Variants in SLC23A2 observed in about 807,000 individuals in gnomAD.
SLC23A2 encodes the protein Na(+)/L-ascorbic acid transporter 2.
A neutral mutation model predicts 73.3 loss-of-function variants in SLC23A2; 36 were observed. That is an observed-to-expected ratio of 0.49 (90% CI 0.38 to 0.65). SLC23A2 has a LOEUF of 0.65. Among genes scored for constraint, SLC23A2 ranks in the 30% least tolerant of loss-of-function variants. SLC23A2 has a pLI of 0.00. For missense variants in SLC23A2, 507 were observed against 841.6 expected, an observed-to-expected ratio of 0.60 and a Z score of 4.92; for synonymous variants, 343 against 327.3, an observed-to-expected ratio of 1.05 and a Z score of -0.52.
intron 1 of SLC23A2, among the ~76,000 whole-genome samples, chr20:4,990,782 A>AGACCAGCCT (rs1411700187): frequency 1.3e-5 from 2 of 151,104 alleles, no homozygotes; most frequent in Non-Finnish European, 3.0e-5. Context: ...CAAGAGTTCA[A>AGACCAGCCT]GACCAGCCTG....
intron 2 of SLC23A2, among the ~76,000 whole-genome samples, chr20:4,938,334 CTTTTTTTT>C (rs752802054): frequency 1.6e-5 from 2 of 124,906 alleles, no homozygotes; most frequent in Non-Finnish European, 3.3e-5. Flanking sequence ...CTCATTCCAT[CTTTTTTTT>C]TTTTTTTTTT....
At chr20:4,871,616 C>T (rs1005694559) in intron 11 of SLC23A2, among the ~76,000 whole-genome samples, 14 of 152,070 alleles carry the variant, frequency 9.2e-5, no homozygotes, top group East Asian at 1.9e-4. Flanking sequence ...GCCTGGAGTG[C>T]GGTTAAGGGC....
chr20:4,911,740 T>C (rs1229738091), intron 4 of SLC23A2, among the ~76,000 whole-genome samples: 4 of 152,200 alleles, frequency 2.6e-5, no homozygotes, highest in Admixed American at 2.6e-4. Context: ...TTTGGAGATA[T>C]CAGATTATCT....
At chr20:4,986,764 G>A (rs981212106) in intron 1 of SLC23A2, among the ~76,000 whole-genome samples, 3 of 150,750 alleles carry the variant, frequency 2.0e-5, no homozygotes, top group Admixed American at 6.6e-5. Flanking sequence ...GCAGTTGACC[G>A]TATTCAAGAA....
intron 2 of SLC23A2, among the ~76,000 whole-genome samples, chr20:4,960,561 G>C (rs1181482920): frequency 6.6e-6 from 1 of 152,194 alleles, no homozygotes; most frequent in Non-Finnish European, 1.5e-5. Flanking sequence ...CAACATTTGG[G>C]AACATTTTCC....
At chr20:4,867,057 TAAAAAAAA>T (rs71197732) in intron 13 of SLC23A2, among the ~76,000 whole-genome samples, 2 of 76,504 alleles carry the variant, frequency 2.6e-5, no homozygotes, top group Non-Finnish European at 4.6e-5. Flanking sequence ...AAGCGATCCC[TAAAAAAAA>T]AAAAAAAAAA....
chr20:4,859,275 T>TA lies in SLC23A2; in HGVS notation c.1720+13dup, dbSNP rs2122768904. 1 of 1,474,266 alleles carries TA rather than the reference T, an allele frequency of 6.8e-7. No homozygotes were observed. The highest frequency in any genetic ancestry group is 9.5e-7 in the Non-Finnish European group (1 of 1,058,090). 91.3% of individuals were successfully genotyped at this position (1,474,266 alleles called of 1,614,324 possible). A position where few individuals can be genotyped will look rare whatever the true frequency, so the allele number is the denominator to read the frequency against. ...ATAAAAAAAAAAAAAGTGTGTTTGA[T>TA]ATATACCACGTACCTGGGATGGTGT... On this transcript the variant is annotated intron_variant, in intron 16 of 16. Coordinates refer to ENST00000338244, the MANE Select transcript of SLC23A2 (RefSeq NM_005116.6).
At chr20:4,910,312 G>T (rs1011141720) in intron 4 of SLC23A2, among the ~76,000 whole-genome samples, 3 of 150,250 alleles carry the variant, frequency 2.0e-5, no homozygotes, top group Admixed American at 2.0e-4. Context: ...GGGAGGCAGA[G>T]ATTGTAGCGA....
intron 6 of SLC23A2, among the ~76,000 whole-genome samples, chr20:4,891,422 C>G (rs1488612213): frequency 6.6e-6 from 1 of 152,062 alleles, no homozygotes; most frequent in African/African-American, 2.4e-5. Context: ...AGCGAGTAGA[C>G]CCGCCTTAGA....
intron 2 of SLC23A2, among the ~76,000 whole-genome samples, chr20:4,959,972 T>C (rs1285234686): frequency 6.6e-6 from 1 of 151,906 alleles, no homozygotes; most frequent in East Asian, 1.9e-4. Context: ...TGTCATTGTT[T>C]TTGTAGAGAT....
At position 4,874,675 on chromosome 20, in the gene SLC23A2, C is replaced by T. The variant is rs1930585141; in HGVS notation, c.846G>A (p.Leu282=). ...TAACATTTCTGGCGTATTGAGAAAA[C>T]AGTAATACTAGGAATATTGTCCTGA... The part of the protein sequence containing the change: ...IAMLTIFLVL[L]FSQYARNVKF... Residue 282 remains leucine (L), a synonymous_variant, in exon 10 of 17, where the codon CTG becomes CTA. Coordinates refer to ENST00000338244, the MANE Select transcript of SLC23A2 (RefSeq NM_005116.6). The T allele has an allele frequency of 6.2e-7, 1 of 1,610,670 alleles. No homozygotes were observed. Among genetic ancestry groups the T allele is most frequent in the Non-Finnish European group, 8.5e-7 (1 of 1,177,932 alleles).
At chr20:4,901,375 C>T (rs1264535891) in intron 5 of SLC23A2, among the ~76,000 whole-genome samples, 3 of 152,150 alleles carry the variant, frequency 2.0e-5, no homozygotes, top group East Asian at 3.8e-4. Flanking sequence ...GTTGAACTGA[C>T]CACACAAACT....
intron 12 of SLC23A2, among the ~76,000 whole-genome samples, chr20:4,869,406 A>T (rs1191223556): frequency 3.2e-5 from 4 of 123,486 alleles, no homozygotes; most frequent in African/African-American, 1.1e-4. Context: ...CAGTTTGTGT[A>T]AAAAAAAAAA....
rs1307853025 is a variant in SLC23A2 at position 4,988,805 on chromosome 20, G to C, written c.-282+12601C>G. Reference sequence around the variant, plus strand: ...CAGGCACCTGTAATCCCAGCTACTAGGGAGGCTGAGACAGGAGAAGCGCTT... The same window carrying C: ...CAGGCACCTGTAATCCCAGCTACTACGGAGGCTGAGACAGGAGAAGCGCTT... On this transcript the variant is annotated intron_variant, in intron 1 of 16. Coordinates refer to ENST00000338244, the MANE Select transcript of SLC23A2 (RefSeq NM_005116.6). Among the ~76,000 whole-genome samples, 6 of 151,954 alleles carry C rather than the reference G, an allele frequency of 3.9e-5. No homozygotes were observed. The South Asian group carries it at 1.2e-3, about 32-fold the overall frequency.
At chr20:4,985,659 G>T (rs2087813422) in intron 1 of SLC23A2, among the ~76,000 whole-genome samples, 2 of 152,126 alleles carry the variant, frequency 1.3e-5, no homozygotes, top group Non-Finnish European at 2.9e-5. Context: ...TGTTGGTCAG[G>T]CTGGTCTTGA....
intron 1 of SLC23A2, among the ~76,000 whole-genome samples, chr20:4,986,226 C>A (rs920292657): frequency 1.3e-5 from 2 of 151,990 alleles, no homozygotes; most frequent in African/African-American, 4.8e-5. Flanking sequence ...CCAGCAGAGG[C>A]GGGGGCAGGA....
intron 2 of SLC23A2, among the ~76,000 whole-genome samples, chr20:4,934,972 G>T (rs1341421244): frequency 6.6e-6 from 1 of 151,922 alleles, no homozygotes; most frequent in Non-Finnish European, 1.5e-5. Context: ...CAGATCACAA[G>T]GTCAGGAGAT....
Position 4,883,851 on chromosome 20 carries a change from G to A in SLC23A2, c.643-28C>T. 1 of 1,555,542 alleles carries A rather than the reference G, an allele frequency of 6.4e-7. No homozygotes were observed. Among genetic ancestry groups the A allele is most frequent in the Non-Finnish European group, 8.8e-7 (1 of 1,138,266 alleles). The stretch of plus-strand genomic sequence containing the variant: ...GCAACAAGAGATGGCACAGACATGA[G>A]AGTGAGCTGCTTGTACACTGCACAC... On this transcript the variant is annotated intron_variant, in intron 8 of 16. Coordinates refer to ENST00000338244, the MANE Select transcript of SLC23A2 (RefSeq NM_005116.6). This position sits in a 1 kb window ranked among gnomAD's most constrained non-coding sequence, Gnocchi z 4.5.
chr20:4,990,361 TTTTTA>T (rs1383380967), intron 1 of SLC23A2, among the ~76,000 whole-genome samples: 1 of 151,574 alleles, frequency 6.6e-6, no homozygotes, highest in Non-Finnish European at 1.5e-5. Flanking sequence ...TCTAGCTTAT[TTTTTA>T]TTTTATTTTA....
Sources: allele counts gnomAD v4.1 joint callset (sites outside exome capture counted in the v4.1 genomes callset), GRCh38; gene constraint gnomAD v4.1.1; non-coding constraint Gnocchi (gnomAD v3.1); transcripts MANE v1.5; gene names NCBI Gene and HGNC (gene_info 2026-07-23, HGNC 2026-07-21).